The following DNHD1 variants were observed in gnomAD, a reference collection of about 807,000 sequenced individuals.
The protein encoded by DNHD1 is dynein heavy chain domain-containing protein 1.
Under a neutral mutation model 458.1 loss-of-function variants are expected in DNHD1, and 383 were observed. The ratio of observed to expected loss-of-function variants is 0.84; its 90% confidence interval spans 0.77 to 0.91. The LOEUF (loss-of-function observed/expected upper bound fraction) is 0.91. Among genes scored for constraint, DNHD1 ranks in the 40% least tolerant of loss-of-function variants. The pLI is 0.00. For synonymous variants in DNHD1, 2,203 were observed against 2,376.9 expected (o/e 0.93, Z 2.13); for missense variants, 5,336 against 5,866.1 (o/e 0.91, Z 2.95).
rs1853516999 is a variant in DNHD1 at position 6,558,469 on chromosome 11, G to T, written c.9003-16G>T. ...AAAGGTAAAGGGGAGGACATTAGCT[G>T]AGCCCTGGCCCACAGGTTCCACCAG... On this transcript the variant is annotated splice_polypyrimidine_tract_variant and intron_variant, in intron 25 of 42. Transcript: ENST00000254579. 15 of 1,551,330 alleles carry T rather than the reference G, an allele frequency of 9.7e-6. No homozygotes were observed. The highest frequency in any genetic ancestry group is 1.3e-5 in the Non-Finnish European group (15 of 1,146,946).
intron 12 of DNHD1, among the ~76,000 whole-genome samples, chr11:6,531,483 C>CAA (rs1852827479): frequency 6.6e-6 from 1 of 152,116 alleles, no homozygotes; most frequent in Non-Finnish European, 1.5e-5. Flanking sequence ...CTCCCATCTG[C>CAA]CTTCATCTGC....
Position 6,567,696 on chromosome 11 carries a change from C to A in DNHD1, c.12187C>A (p.Leu4063Ile), listed in dbSNP as rs1853739765. The change falls in exon 36 of 43, where the codon CTC (leucine) becomes ATC (isoleucine). Residue 4063 changes from leucine (L) to isoleucine (I), a missense_variant. Transcript: ENST00000254579. ...TGCCCTGGCAGACTTCACCACTAGC[C>A]TCCTGGGTCGGCCCCTGGATGAAAA... ...AGALADFTTS[L>I]LGRPLDENTY... The A allele has an allele frequency of 1.9e-6, 3 of 1,613,808 alleles. No homozygotes were observed. The highest frequency in any genetic ancestry group is 2.5e-6 in the Non-Finnish European group (3 of 1,179,908).
Position 6,566,946 on chromosome 11 carries a change from G to A in DNHD1, c.11437G>A (p.Ala3813Thr), listed in dbSNP as rs749900746. 1 of 1,613,900 alleles carries A rather than the reference G, an allele frequency of 6.2e-7. No individual in the cohort carries two copies. The highest frequency in any genetic ancestry group is 8.5e-7 in the Non-Finnish European group (1 of 1,179,858). The change falls in exon 36 of 43, where the codon GCC (alanine) becomes ACC (threonine). Residue 3813 changes from alanine to threonine, a missense_variant. By Grantham distance (58) the Ala-to-Thr change is moderately conservative. Coordinates refer to ENST00000254579, the MANE Select transcript of DNHD1 (RefSeq NM_144666.3). ...LFQNPKRQKP[A>T]KFLRNIVRAQ... is the part of the protein sequence containing the mutation. ...CCAGAATCCGAAGCGTCAGAAGCCAGCCAAGTTTCTGCGGAACATAGTGAG... is the reference window on the plus strand; with the variant it reads ...CCAGAATCCGAAGCGTCAGAAGCCAACCAAGTTTCTGCGGAACATAGTGAG...
rs540032324 is a variant in DNHD1 at position 6,497,812 on chromosome 11, C to CCCTTG, written c.-395_-391dup. 111 of 204,392 alleles carry CCCTTG rather than the reference C, an allele frequency of 5.4e-4. No homozygotes were observed. In the East Asian group the frequency reaches 0.011, roughly 21 times the overall value. 12.7% of individuals were successfully genotyped at this position (204,392 alleles called of 1,614,324 possible). The stretch of plus-strand genomic sequence containing the variant: ...CCTCATCAGCAGATCGGGCTCTCTT[C>CCCTTG]CCTTGCCTTGCCTCCTAACCCCCCT... On this transcript the variant is annotated 5_prime_UTR_variant, in exon 3 of 43. It introduces an in-frame stop codon into an upstream open reading frame of the 5' UTR. Coordinates refer to ENST00000254579, the MANE Select transcript of DNHD1 (RefSeq NM_144666.3).
At chr11:6,560,652 G>A (rs1853567539) in intron 28 of DNHD1, among the ~76,000 whole-genome samples, 1 of 152,126 alleles carries the variant, frequency 6.6e-6, no homozygotes, top group African/African-American at 2.4e-5. Flanking sequence ...GATAAGAGAT[G>A]TTCGTAGTCT....
intron 3 of DNHD1, among the ~76,000 whole-genome samples, chr11:6,500,613 T>TGA (rs1236859514): frequency 1.3e-5 from 2 of 152,250 alleles, no homozygotes; most frequent in Non-Finnish European, 2.9e-5. Context: ...TGGCATGGGC[T>TGA]GAGATGTTGG....
At chr11:6,561,658 T>C (rs1477086321) in intron 28 of DNHD1, among the ~76,000 whole-genome samples, 1 of 152,180 alleles carries the variant, frequency 6.6e-6, no homozygotes, top group African/African-American at 2.4e-5. Flanking sequence ...AGAGCGTGTA[T>C]ATAACATGGT....
chr11:6,540,366 G>C (rs1251442275), intron 18 of DNHD1, among the ~76,000 whole-genome samples: 3 of 152,124 alleles, frequency 2.0e-5, no homozygotes, highest in Non-Finnish European at 1.5e-5. Context: ...CTCATAGTCA[G>C]TTATCTACAC....
At chr11:6,522,338 C>T (rs139040503) in intron 10 of DNHD1, among the ~76,000 whole-genome samples, 1 of 152,052 alleles carries the variant, frequency 6.6e-6, no homozygotes, top group Non-Finnish European at 1.5e-5. Context: ...GAAGCTCTTA[C>T]GTTTAACTGG....
At chr11:6,499,965 ATT>A (rs11361429) in intron 3 of DNHD1, among the ~76,000 whole-genome samples, 4,720 of 142,614 alleles carry the variant, frequency 0.033, 257 homozygotes, top group African/African-American at 0.12. Flanking sequence ...CTAACTTTCG[ATT>A]TTTTTTTTTT....
At chr11:6,539,704 G>A (rs938935364) in intron 17 of DNHD1, among the ~76,000 whole-genome samples, 172 bp from the exon 18 acceptor site, 4 of 152,188 alleles carry the variant, frequency 2.6e-5, no homozygotes, top group East Asian at 3.9e-4. Context: ...AGATGCTGCC[G>A]ATGGCCTATC....
intron 32 of DNHD1, among the ~76,000 whole-genome samples, chr11:6,565,259 G>A (rs182345628): frequency 6.6e-6 from 1 of 152,304 alleles, no homozygotes; most frequent in East Asian, 1.9e-4. Context: ...ATTAAGTTAA[G>A]GACTTTGAAT....
chr11:6,558,337 T>C (rs1853514095), intron 25 of DNHD1, 40 bp downstream of exon 25: 1 of 1,539,568 alleles, frequency 6.5e-7, no homozygotes, highest in African/African-American at 1.4e-5. Flanking sequence ...GCTCTGCTCT[T>C]ACGCTGTCTT....
chr11:6,523,969 C>G (rs1237619088), intron 10 of DNHD1, among the ~76,000 whole-genome samples: 1 of 152,168 alleles, frequency 6.6e-6, no homozygotes, highest in East Asian at 1.9e-4. Context: ...GCCTGGGTGA[C>G]AGAGATACCA....
intron 28 of DNHD1, among the ~76,000 whole-genome samples, chr11:6,562,218 A>G (rs1489321138): frequency 6.6e-6 from 1 of 152,170 alleles, no homozygotes; most frequent in Non-Finnish European, 1.5e-5. Flanking sequence ...AGCCAAGGGT[A>G]ACAACTCAGT....
intron 29 of DNHD1, 95 bp downstream of exon 29, chr11:6,563,226 C>G (rs1853622505): frequency 3.9e-6 from 6 of 1,535,994 alleles, no homozygotes; most frequent in East Asian, 2.4e-5. Flanking sequence ...AGTGACTCAT[C>G]ATGGAATCTC....
rs1271147204 is a variant in DNHD1, at chr11:6,568,132, C to T, written c.12428C>T (p.Ser4143Phe). The T allele has an allele frequency of 6.4e-7, 1 of 1,563,102 alleles. No individual in the cohort carries two copies. Among genetic ancestry groups the T allele is most frequent in the Non-Finnish European group, 8.7e-7 (1 of 1,152,944 alleles). ...GTCTCAGTTGTGGTCAGCACTCTAT[C>T]CCAGGCTATGTATGAGGGGCACTGG... The part of the protein sequence containing the change: ...DPVSVVVSTL[S>F]QAMYEGHWLV... Residue 4143 changes from serine (S) to phenylalanine (F), a missense_variant, in exon 37 of 43, where the codon TCC becomes TTC. By Grantham distance (155) the Ser-to-Phe change is radical (BLOSUM62 -2). Transcript: ENST00000254579.
intron 34 of DNHD1, 60 bp from the exon 35 acceptor site, chr11:6,566,527 T>G: frequency 1.3e-6 from 2 of 1,589,190 alleles, no homozygotes; most frequent in South Asian, 2.3e-5. Context: ...ACTCCCTGTC[T>G]ACTCTACCCC....
chr11:6,515,985 A>G (rs999268595), intron 7 of DNHD1, among the ~76,000 whole-genome samples: 1 of 151,738 alleles, frequency 6.6e-6, no homozygotes, highest in Non-Finnish European at 1.5e-5. Flanking sequence ...GCAGGGTTTT[A>G]CCATGTTGTC....
Sources: gnomAD v4.1 joint callset for allele counts (sites outside exome capture counted in the v4.1 genomes callset) on GRCh38, gnomAD v4.1.1 for gene constraint, MANE v1.5 for transcripts, NCBI Gene and HGNC (gene_info 2026-07-23, HGNC 2026-07-21) for gene names.